The following NAV3 variants were observed in gnomAD, a reference collection of about 807,000 sequenced individuals.
NAV3 encodes the protein pore membrane and/or filament interacting like protein 1.
In NAV3, 87 loss-of-function variants were observed where a neutral mutation model predicts 244.7. The observed-to-expected ratio is 0.36, with a 90% CI of 0.30 to 0.42. The LOEUF (loss-of-function observed/expected upper bound fraction) is 0.42, where lower values mean the gene tolerates loss of function less well. Ranked by LOEUF, NAV3 falls within the 20% of genes least tolerant of loss-of-function variation. NAV3 has a pLI of 1.00. For synonymous variants in NAV3, 1,126 were observed against 1,042.2 expected (o/e 1.08, Z -1.55); for missense variants, 2,663 against 2,893.3 (o/e 0.92, Z 1.83).
chr12:78,179,197 T>C (rs1198653791), intron 28 of NAV3, among the ~76,000 whole-genome samples: 2 of 152,042 alleles, frequency 1.3e-5, no homozygotes, highest in Non-Finnish European at 2.9e-5. Flanking sequence ...CCCTTGAAAA[T>C]GTTGGAATGA....
intron 5 of NAV3, among the ~76,000 whole-genome samples, chr12:77,975,665 GA>G (rs1233925725): frequency 2.6e-5 from 4 of 152,206 alleles, no homozygotes; most frequent in African/African-American, 4.8e-5. Flanking sequence ...TTCAAGAAGA[GA>G]AAACATCTAT....
chr12:77,802,906 A>T (rs947166638), intron 2 of NAV3, among the ~76,000 whole-genome samples: 1 of 152,030 alleles, frequency 6.6e-6, no homozygotes, highest in African/African-American at 2.4e-5. Context: ...TGACCTCACG[A>T]TCCACCTGCC....
chr12:77,741,859 A>G (rs2137398744), intron 2 of NAV3, among the ~76,000 whole-genome samples: 1 of 152,184 alleles, frequency 6.6e-6, no homozygotes, highest in South Asian at 2.1e-4. Context: ...GCATTAATTG[A>G]TGCTTATACA....
chr12:77,709,756 C>G (rs1425683636), intron 2 of NAV3, among the ~76,000 whole-genome samples: 1 of 152,208 alleles, frequency 6.6e-6, no homozygotes, highest in Non-Finnish European at 1.5e-5. Flanking sequence ...TCTCCCTCAT[C>G]AAATTGCAAC....
At chr12:77,650,815 T>C (rs1176861858) in intron 2 of NAV3, among the ~76,000 whole-genome samples, 1 of 152,080 alleles carries the variant, frequency 6.6e-6, no homozygotes, top group Non-Finnish European at 1.5e-5. Context: ...CTTATGAAGA[T>C]CATAGAGAAA....
chr12:78,089,300 T>C (rs1398856484), intron 12 of NAV3, among the ~76,000 whole-genome samples: 1 of 152,146 alleles, frequency 6.6e-6, no homozygotes, highest in East Asian at 1.9e-4. Flanking sequence ...AAATACATGA[T>C]AAACCATAAA....
At chr12:77,585,834 T>C (rs1869580947) in intron 2 of NAV3, among the ~76,000 whole-genome samples, 2 of 152,258 alleles carry the variant, frequency 1.3e-5, no homozygotes, top group South Asian at 2.1e-4. Context: ...GGCTTTTCTG[T>C]CTCTTTACCT....
At chr12:78,092,286 A>G (rs1452792202) in intron 12 of NAV3, among the ~76,000 whole-genome samples, 1 of 152,094 alleles carries the variant, frequency 6.6e-6, no homozygotes, top group Non-Finnish European at 1.5e-5. Flanking sequence ...AAACTCATTC[A>G]ATTACTGTCT....
chr12:78,059,562 C>A (rs1435926586), intron 12 of NAV3, among the ~76,000 whole-genome samples: 1 of 152,174 alleles, frequency 6.6e-6, no homozygotes, highest in Non-Finnish European at 1.5e-5. Flanking sequence ...ACTGGGATTA[C>A]AGGCATGAGC....
At chr12:77,596,945 A>T (rs1297460343) in intron 2 of NAV3, among the ~76,000 whole-genome samples, 4 of 152,154 alleles carry the variant, frequency 2.6e-5, no homozygotes, top group Non-Finnish European at 4.4e-5. Flanking sequence ...TAGTGAAAAC[A>T]TGAAAAGTCT....
chr12:77,956,344 C>G (rs143333515), intron 3 of NAV3, among the ~76,000 whole-genome samples: 3 of 152,048 alleles, frequency 2.0e-5, no homozygotes, highest in African/African-American at 7.2e-5. Context: ...TCTACCTTCC[C>G]GAAATATCCA....
At chr12:78,095,064 TACAC>T (rs56856471) in intron 12 of NAV3, among the ~76,000 whole-genome samples, 39,957 of 137,206 alleles carry the variant, frequency 0.29, 7,897 homozygotes, top group Non-Finnish European at 0.43. Context: ...TATATATATA[TACAC>T]ACACACACAC....
Position 78,121,838 on chromosome 12 carries a change from G to C in NAV3, c.3750-102G>C, listed in dbSNP as rs2138672667. 3 of 1,435,212 alleles carry C rather than the reference G, an allele frequency of 2.1e-6. No homozygotes were observed. In the South Asian group the frequency reaches 4.0e-5, roughly 19 times the overall value. The allele number at this position is 1,435,212 out of a possible 1,614,324, so 88.9% of individuals were successfully genotyped here. ...GAGACAGGAAGTGCTTTGTAGTTCA[G>C]TACATCAAAGCACACTTGGCTCTGT... On this transcript the variant is annotated intron_variant, in intron 15 of 39. Transcript: ENST00000397909.
intron 18 of NAV3, among the ~76,000 whole-genome samples, chr12:78,129,850 T>C (rs1956086068): frequency 6.6e-6 from 1 of 152,176 alleles, no homozygotes; most frequent in Non-Finnish European, 1.5e-5. Flanking sequence ...TAATTTACCT[T>C]TGTCAAACTA....
At chr12:77,679,612 C>T (rs1344854388) in intron 2 of NAV3, among the ~76,000 whole-genome samples, 1 of 151,994 alleles carries the variant, frequency 6.6e-6, no homozygotes, top group African/African-American at 2.4e-5. Context: ...AGGGCCTACT[C>T]AGCAAGGATG....
chr12:77,833,402 C>A (rs941874632), intron 1 of NAV3, among the ~76,000 whole-genome samples: 1 of 152,150 alleles, frequency 6.6e-6, no homozygotes, highest in Non-Finnish European at 1.5e-5. Context: ...GGAATCATTT[C>A]GAAACAGGAA....
At chr12:78,099,324 G>A (rs1954422207) in intron 12 of NAV3, among the ~76,000 whole-genome samples, 1 of 151,628 alleles carries the variant, frequency 6.6e-6, no homozygotes. Flanking sequence ...TGAAGTGAAT[G>A]AATAATGTAC....
intron 1 of NAV3, among the ~76,000 whole-genome samples, chr12:77,838,987 A>G (rs1269627695): frequency 6.6e-6 from 1 of 152,102 alleles, no homozygotes; most frequent in Non-Finnish European, 1.5e-5. Flanking sequence ...CATTTCTCAT[A>G]TTGTCAATGT....
At chr12:77,777,294 T>A (rs992271338) in intron 2 of NAV3, among the ~76,000 whole-genome samples, 3 of 151,964 alleles carry the variant, frequency 2.0e-5, no homozygotes, top group African/African-American at 7.2e-5. Flanking sequence ...ATAATGAAAG[T>A]TATGTGAATA....
Sources: allele counts gnomAD v4.1 joint callset (sites outside exome capture counted in the v4.1 genomes callset), GRCh38; gene constraint gnomAD v4.1.1; transcripts MANE v1.5; gene names NCBI Gene and HGNC (gene_info 2026-07-23, HGNC 2026-07-21).